CTNND2: variants seen among roughly 807,000 people sequenced by gnomAD.
CTNND2 encodes catenin delta-2.
In CTNND2, 22 loss-of-function variants were observed where a neutral mutation model predicts 144.4. The ratio of observed to expected loss-of-function variants is 0.15; its 90% CI spans 0.11 to 0.22. The LOEUF is 0.22. Ranked by LOEUF, CTNND2 falls within the 10% of genes least tolerant of loss-of-function variation. The pLI is 1.00. For missense variants in CTNND2, 1,353 were observed against 1,618.8 expected (o/e 0.84, Z 2.82); for synonymous variants, 751 against 695.6 (o/e 1.08, Z -1.25).
At chr5:11,536,139 C>T (rs1271689145) in intron 3 of CTNND2, among the ~76,000 whole-genome samples, 1 of 152,250 alleles carries the variant, frequency 6.6e-6, no homozygotes, top group African/African-American at 2.4e-5. Flanking sequence ...TCATAGCCCA[C>T]TGCAGCTTTG....
chr5:11,348,565 G>A (rs1029223904), intron 8 of CTNND2, among the ~76,000 whole-genome samples: 6 of 151,474 alleles, frequency 4.0e-5, no homozygotes, highest in Non-Finnish European at 7.4e-5. Context: ...TTTCAGGAAA[G>A]AAATAGTTTT....
intron 10 of CTNND2, among the ~76,000 whole-genome samples, chr5:11,226,662 A>G (rs1389072581): frequency 2.6e-5 from 4 of 152,364 alleles, no homozygotes; most frequent in African/African-American, 9.6e-5. Context: ...TCACAAGAAC[A>G]GCACAAGAAA....
chr5:11,221,514 A>G (rs1047259437), intron 10 of CTNND2, among the ~76,000 whole-genome samples: 1 of 152,238 alleles, frequency 6.6e-6, no homozygotes, highest in Non-Finnish European at 1.5e-5. Context: ...GATCATTTGC[A>G]TAGGGTGGAT....
In CTNND2 at chr5:11,022,993, T is replaced by C. The variant is rs768517641; in HGVS notation, c.2789-14A>G. The C allele has an allele frequency of 3.7e-6, 6 of 1,613,024 alleles. No individual in the cohort carries two copies. In the Admixed American group the frequency reaches 8.3e-5, roughly 22 times the overall value. ...TGGCGTATTTGCCTGGAAAAGAAAATAAAGAGAAGAGTTGAAAGGAGGTCA... is the reference window on the plus strand; with the variant it reads ...TGGCGTATTTGCCTGGAAAAGAAAACAAAGAGAAGAGTTGAAAGGAGGTCA... On this transcript the variant is annotated splice_polypyrimidine_tract_variant and intron_variant, in intron 16 of 21. Transcript: ENST00000304623.
intron 3 of CTNND2, among the ~76,000 whole-genome samples, chr5:11,506,724 T>A (rs1007430143): frequency 1.3e-5 from 2 of 152,236 alleles, no homozygotes; most frequent in East Asian, 3.8e-4. Flanking sequence ...CTATGAGGCA[T>A]GCCCAGGGCT....
At chr5:11,777,238 T>A (rs765155891) in intron 1 of CTNND2, among the ~76,000 whole-genome samples, 9 of 152,176 alleles carry the variant, frequency 5.9e-5, no homozygotes, top group Non-Finnish European at 1.2e-4. Context: ...TACAAATGAA[T>A]CACTTACTCC....
chr5:11,114,095 T>G (rs1291542382), intron 13 of CTNND2, among the ~76,000 whole-genome samples: 1 of 152,136 alleles, frequency 6.6e-6, no homozygotes, highest in Non-Finnish European at 1.5e-5. Flanking sequence ...GGGCGATGCA[T>G]GAAAGAGAGA....
intron 18 of CTNND2, among the ~76,000 whole-genome samples, chr5:11,012,518 G>A (rs1741196324): frequency 1.3e-5 from 2 of 152,154 alleles, no homozygotes; most frequent in African/African-American, 2.4e-5. Context: ...ACAGATAACC[G>A]GCTGCCAAGC....
intron 2 of CTNND2, among the ~76,000 whole-genome samples, chr5:11,669,678 TG>T (rs1206447130): frequency 4.0e-5 from 6 of 151,548 alleles, no homozygotes; most frequent in Non-Finnish European, 8.9e-5. Flanking sequence ...CCTATTTTGT[TG>T]ATCTTTTTAA....
intron 2 of CTNND2, among the ~76,000 whole-genome samples, chr5:11,660,161 T>C (rs868196061): frequency 2.0e-5 from 3 of 151,970 alleles, no homozygotes; most frequent in Non-Finnish European, 4.4e-5. Context: ...GCAATAGTAA[T>C]AGAATGAGAT....
chr5:11,879,681 T>C (rs1040000469), intron 1 of CTNND2, among the ~76,000 whole-genome samples: 2 of 151,932 alleles, frequency 1.3e-5, no homozygotes, highest in Non-Finnish European at 2.9e-5. Context: ...ACAAGACTTT[T>C]TTACTAATAA....
intron 9 of CTNND2, among the ~76,000 whole-genome samples, chr5:11,343,671 T>C (rs1383776306): frequency 6.6e-6 from 1 of 152,216 alleles, no homozygotes; most frequent in East Asian, 1.9e-4. Flanking sequence ...CAATGCATTT[T>C]CAAGAAGTCA....
At chr5:11,802,573 A>T (rs904665295) in intron 1 of CTNND2, among the ~76,000 whole-genome samples, 1 of 152,218 alleles carries the variant, frequency 6.6e-6, no homozygotes, top group Non-Finnish European at 1.5e-5. Flanking sequence ...ATCTCAAAAA[A>T]AAAAAAACGA....
intron 2 of CTNND2, among the ~76,000 whole-genome samples, chr5:11,636,200 A>G (rs1781695973): frequency 6.6e-6 from 1 of 152,166 alleles, no homozygotes; most frequent in African/African-American, 2.4e-5. Flanking sequence ...AAACAAGCAC[A>G]CACCCACTTA....
chr5:11,817,835 C>T (rs562145164), intron 1 of CTNND2, among the ~76,000 whole-genome samples: 5 of 151,796 alleles, frequency 3.3e-5, no homozygotes, highest in African/African-American at 4.8e-5. Context: ...AAGGAAAACA[C>T]GATTATAAAA....
chr5:11,247,802 A>G (rs1157795607), intron 9 of CTNND2, among the ~76,000 whole-genome samples: 1 of 152,356 alleles, frequency 6.6e-6, no homozygotes, highest in African/African-American at 2.4e-5. Context: ...CTCAAAGACC[A>G]TTAGATTACA....
intron 9 of CTNND2, among the ~76,000 whole-genome samples, chr5:11,254,200 C>T (rs1283496593): frequency 2.0e-5 from 3 of 152,160 alleles, no homozygotes; most frequent in Admixed American, 2.0e-4. Context: ...AGTCAATCCA[C>T]TTTTCTTCCC....
chr5:11,014,251 G>A (rs772090078), intron 18 of CTNND2, among the ~76,000 whole-genome samples: 5 of 152,056 alleles, frequency 3.3e-5, no homozygotes, highest in Non-Finnish European at 7.4e-5. Flanking sequence ...CAGCCATCCT[G>A]ACAGTTCCCC....
chr5:11,709,279 T>C (rs1380043305), intron 2 of CTNND2, among the ~76,000 whole-genome samples: 1 of 152,160 alleles, frequency 6.6e-6, no homozygotes, highest in Non-Finnish European at 1.5e-5. Context: ...CTGGCCAAGA[T>C]TTACAAGATG....
Sources: allele counts gnomAD v4.1 joint callset (sites outside exome capture counted in the v4.1 genomes callset), GRCh38; gene constraint gnomAD v4.1.1; transcripts MANE v1.5; gene names NCBI Gene and HGNC (gene_info 2026-07-23, HGNC 2026-07-21).